The following LRMDA variants were observed in gnomAD, a reference collection of about 807,000 sequenced individuals.
LRMDA encodes the protein leucine-rich melanocyte differentiation-associated protein.
In LRMDA, 18 loss-of-function variants were observed where a neutral mutation model predicts 29.8. That is an observed-to-expected ratio of 0.60 (90% CI 0.42 to 0.90). The LOEUF is 0.90. Among genes scored for constraint, LRMDA ranks in the 40% least tolerant of loss-of-function variants. The pLI, the probability that LRMDA is intolerant of heterozygous loss-of-function variation, is 0.00. For synonymous variants in LRMDA, 125 were observed against 109.4 expected (o/e 1.14, Z -0.89); for missense variants, 273 against 273.9 (o/e 1.00, Z 0.02).
intron 6 of LRMDA, among the ~76,000 whole-genome samples, chr10:76,387,113 T>G (rs1052793418): frequency 2.6e-5 from 4 of 152,208 alleles, no homozygotes; most frequent in Admixed American, 6.5e-5. Context: ...TCAATGTTTC[T>G]GGAAAGCAAT....
chr10:75,734,348 G>A (rs1286797586), intron 2 of LRMDA, among the ~76,000 whole-genome samples: 1 of 152,164 alleles, frequency 6.6e-6, no homozygotes, highest in African/African-American at 2.4e-5. Flanking sequence ...ATGAAGCAGA[G>A]TTGTCAACCC....
chr10:75,941,859 A>G (rs1431346019), intron 2 of LRMDA, among the ~76,000 whole-genome samples: 2 of 152,092 alleles, frequency 1.3e-5, no homozygotes, highest in Non-Finnish European at 2.9e-5. Context: ...TTGAGTTTTT[A>G]TCCTAAATTC....
chr10:76,554,681 G>A (rs1012233534), intron 6 of LRMDA, among the ~76,000 whole-genome samples: 1 of 152,164 alleles, frequency 6.6e-6, no homozygotes, highest in Non-Finnish European at 1.5e-5. Context: ...CGGGAATGTG[G>A]CACAGAACAC....
intron 2 of LRMDA, among the ~76,000 whole-genome samples, chr10:75,871,924 G>A (rs1274543978): frequency 6.6e-6 from 1 of 152,144 alleles, no homozygotes; most frequent in Non-Finnish European, 1.5e-5. Context: ...GAAACTGAAG[G>A]CAAATGTATA....
chr10:75,504,478 A>G (rs977334018), intron 2 of LRMDA, among the ~76,000 whole-genome samples: 5 of 152,214 alleles, frequency 3.3e-5, no homozygotes, highest in Non-Finnish European at 5.9e-5. Flanking sequence ...TTATTAGATT[A>G]ATGGAAAAAT....
At position 76,035,434 on chromosome 10, in the gene LRMDA, A is replaced by G. The variant is rs561722089; in HGVS notation, c.132-574A>G. ...CAAATTAAGTGATTAGTAAAGAAAA[A>G]AGGCAGAGGAAAAAAAAAAGTCAAA... On this transcript the variant is annotated intron_variant, in intron 2 of 6. Transcript: ENST00000611255. Among the ~76,000 whole-genome samples the G allele has an allele frequency of 1.0e-3, 157 of 152,288 alleles. 1 individual carries two copies. The highest frequency in any genetic ancestry group is 3.6e-3 in the African/African-American group (149 of 41,546).
chr10:76,296,432 C>A (rs183087633), intron 5 of LRMDA, among the ~76,000 whole-genome samples: 24 of 152,286 alleles, frequency 1.6e-4, no homozygotes, highest in Non-Finnish European at 2.8e-4. Context: ...GTAAAATGAT[C>A]TCTGGTTTAG....
chr10:76,396,769 C>T (rs1006045524), intron 6 of LRMDA, among the ~76,000 whole-genome samples: 5 of 152,200 alleles, frequency 3.3e-5, no homozygotes, highest in Admixed American at 6.5e-5. Flanking sequence ...GAGTTGCCAA[C>T]AGCCAATGAA....
intron 2 of LRMDA, among the ~76,000 whole-genome samples, chr10:75,723,678 A>G (rs1283424885): frequency 6.6e-6 from 1 of 152,176 alleles, no homozygotes; most frequent in Non-Finnish European, 1.5e-5. Flanking sequence ...AACTGATATG[A>G]CTCTTAACAG....
intron 2 of LRMDA, among the ~76,000 whole-genome samples, chr10:75,913,104 T>C (rs892702430): frequency 1.3e-5 from 2 of 152,142 alleles, no homozygotes; most frequent in African/African-American, 4.8e-5. Context: ...AAACTGCTAG[T>C]AGTTTTTTTT....
chr10:76,404,146 A>G (rs1344160861), intron 6 of LRMDA, among the ~76,000 whole-genome samples: 1 of 152,200 alleles, frequency 6.6e-6, no homozygotes, highest in Admixed American at 6.5e-5. Context: ...ATGGAAAACT[A>G]ATGATTCAAG....
intron 5 of LRMDA, among the ~76,000 whole-genome samples, chr10:76,319,990 C>A (rs1840750535): frequency 6.6e-6 from 1 of 152,170 alleles, no homozygotes; most frequent in African/African-American, 2.4e-5. Flanking sequence ...GTATCAGGTT[C>A]TTTCAGTGCA....
chr10:76,072,738 T>C (rs1361289906), intron 5 of LRMDA, among the ~76,000 whole-genome samples: 2 of 152,214 alleles, frequency 1.3e-5, no homozygotes, highest in Admixed American at 1.3e-4. Flanking sequence ...TTCCCAGAGA[T>C]GAAAGGGAGG....
intron 5 of LRMDA, among the ~76,000 whole-genome samples, chr10:76,061,008 A>G (rs1041068298): frequency 6.6e-6 from 1 of 152,336 alleles, no homozygotes; most frequent in East Asian, 1.9e-4. Flanking sequence ...TGACCTAGCA[A>G]TCCTATTACT....
chr10:75,770,326 A>G (rs1361800447), intron 2 of LRMDA, among the ~76,000 whole-genome samples: 3 of 152,200 alleles, frequency 2.0e-5, no homozygotes, highest in African/African-American at 7.2e-5. Context: ...TACAGTTGAA[A>G]AAGTTTCATG....
At chr10:75,438,535 C>T in intron 2 of LRMDA, 41 bp downstream of exon 2, 1 of 1,481,420 alleles carries the variant, frequency 6.8e-7, no homozygotes, top group South Asian at 1.2e-5. Context: ...CCTGGGAGGC[C>T]CAGTCCTCCT....
intron 5 of LRMDA, among the ~76,000 whole-genome samples, chr10:76,063,609 A>C (rs1208095629): frequency 6.6e-6 from 1 of 152,012 alleles, no homozygotes; most frequent in Non-Finnish European, 1.5e-5. Flanking sequence ...AGAAAGAAGG[A>C]AGGAGAGGGA....
chr10:75,734,264 C>T (rs1842733482), intron 2 of LRMDA, among the ~76,000 whole-genome samples: 1 of 152,016 alleles, frequency 6.6e-6, no homozygotes, highest in South Asian at 2.1e-4. Context: ...AGAAAACATC[C>T]AGTAGTTATT....
At chr10:75,887,800 C>T (rs573402043) in intron 2 of LRMDA, among the ~76,000 whole-genome samples, 1 of 152,144 alleles carries the variant, frequency 6.6e-6, no homozygotes, top group African/African-American at 2.4e-5. Flanking sequence ...TCTCACCTAG[C>T]TGAGTTCTGA....
Sources: allele counts gnomAD v4.1 joint callset (sites outside exome capture counted in the v4.1 genomes callset), GRCh38; gene constraint gnomAD v4.1.1; transcripts MANE v1.5; gene names NCBI Gene and HGNC (gene_info 2026-07-23, HGNC 2026-07-21).